The following SAMD8 variants were observed in gnomAD, a reference collection of about 807,000 sequenced individuals.
SAMD8 encodes the protein sphingomyelin synthase-related protein 1.
SAMD8 carries 20 observed loss-of-function variants against 42.0 expected under a neutral mutation model. The observed-to-expected ratio is 0.48, with a 90% CI of 0.34 to 0.69. The LOEUF is 0.69. SAMD8 is among the 30% of genes least tolerant of loss of function. The pLI, the probability that SAMD8 is intolerant of heterozygous loss-of-function variation, is 0.01. For missense variants in SAMD8, 328 were observed against 511.6 expected (o/e 0.64, Z 3.46); for synonymous variants, 162 against 173.0 (o/e 0.94, Z 0.50).
chr10:75,128,049 G>A (rs976278022), intron 1 of SAMD8, among the ~76,000 whole-genome samples: 1 of 149,474 alleles, frequency 6.7e-6, no homozygotes, highest in Non-Finnish European at 1.5e-5. Flanking sequence ...AATTAATCTG[G>A]CTCTGATTTT....
intron 1 of SAMD8, among the ~76,000 whole-genome samples, chr10:75,134,638 CA>C (rs199929082): frequency 6.6e-6 from 1 of 151,068 alleles, no homozygotes; most frequent in Non-Finnish European, 1.5e-5. Flanking sequence ...TTCCCCCCCC[CA>C]AAAAAAAGAT....
intron 1 of SAMD8, among the ~76,000 whole-genome samples, chr10:75,118,612 C>G (rs1427731562): frequency 6.6e-6 from 1 of 152,166 alleles, no homozygotes; most frequent in African/African-American, 2.4e-5. Context: ...CCGCTGCATT[C>G]CAGCCTGGGC....
intron 1 of SAMD8, among the ~76,000 whole-genome samples, chr10:75,126,667 AT>A (rs1239460593): frequency 2.9e-3 from 411 of 143,156 alleles, no homozygotes; most frequent in Middle Eastern, 3.6e-3. Context: ...ACGCTGGCTA[AT>A]TTTTTTTTTT....
Position 75,176,560 on chromosome 10 carries a change from T to G in SAMD8, c.1116T>G (p.Tyr372Ter). The change falls in exon 6 of 6, where the codon TAT (tyrosine) becomes TAG (stop). Residue 372 changes from tyrosine to a stop codon, truncating the protein, a stop_gained. Coordinates refer to ENST00000542569, the MANE Select transcript of SAMD8 (RefSeq NM_001174156.2). LOFTEE classifies it high-confidence loss of function. This position sits in a 1 kb window ranked among gnomAD's most constrained non-coding sequence, Gnocchi z 4.3. ...ATACTCTGGCCAATACCAGAGCATATCAGCAGAGTAGGAGAGCAAGGATTT... is the reference window on the plus strand; with the variant it reads ...ATACTCTGGCCAATACCAGAGCATAGCAGCAGAGTAGGAGAGCAAGGATTT... ...YYHTLANTRA[Y>*]QQSRRARIWF... The G allele has an allele frequency of 6.4e-7, 1 of 1,550,662 alleles. No homozygotes were observed. Among genetic ancestry groups the G allele is most frequent in the Non-Finnish European group, 8.7e-7 (1 of 1,147,006 alleles).
intron 1 of SAMD8, chr10:75,101,786 G>A: frequency 4.6e-6 from 3 of 652,688 alleles, no homozygotes; most frequent in Non-Finnish European, 5.2e-6. Flanking sequence ...TCCCCACACA[G>A]GCACAAGTGT....
At chr10:75,119,967 C>G (rs1322294975) in intron 1 of SAMD8, among the ~76,000 whole-genome samples, 1 of 152,120 alleles carries the variant, frequency 6.6e-6, no homozygotes, top group African/African-American at 2.4e-5. Flanking sequence ...ACTCGGGAAG[C>G]CGAGGCAAGG....
chr10:75,143,236 G>A (rs1205361960), intron 1 of SAMD8, among the ~76,000 whole-genome samples: 1 of 152,216 alleles, frequency 6.6e-6, no homozygotes, highest in Non-Finnish European at 1.5e-5. Flanking sequence ...GAACCCAGAG[G>A]CAGAGGTTGC....
chr10:75,133,209 TG>T (rs1343280880), intron 1 of SAMD8, among the ~76,000 whole-genome samples: 2 of 149,768 alleles, frequency 1.3e-5, no homozygotes, highest in African/African-American at 5.0e-5. Flanking sequence ...AAGACCAACC[TG>T]GGCAGCATGG....
chr10:75,166,443 C>T (rs971267977), intron 3 of SAMD8, among the ~76,000 whole-genome samples: 1 of 151,494 alleles, frequency 6.6e-6, no homozygotes, highest in Non-Finnish European at 1.5e-5. Flanking sequence ...GTCTTTGGAA[C>T]ACTGGAGAGA....
chr10:75,124,036 GT>G (rs1849069996), intron 1 of SAMD8, among the ~76,000 whole-genome samples: 1 of 151,960 alleles, frequency 6.6e-6, no homozygotes, highest in Non-Finnish European at 1.5e-5. Flanking sequence ...CCGGTCTTTT[GT>G]TTTTTCTTGG....
chr10:75,150,738 C>G lies in SAMD8; in HGVS notation c.210C>G (p.Leu70=), dbSNP rs372484282. 6 of 1,614,156 alleles carry G rather than the reference C, an allele frequency of 3.7e-6. No homozygotes were observed. Among genetic ancestry groups the G allele is most frequent in the Non-Finnish European group, 8.5e-7 (1 of 1,180,018 alleles). Residue 70 remains leucine, a synonymous_variant, in exon 2 of 6, where the codon CTC becomes CTG. Coordinates refer to ENST00000542569, the MANE Select transcript of SAMD8 (RefSeq NM_001174156.2). The stretch of plus-strand genomic sequence containing the variant: ...TAGGGGACATTAAAAGGTTAATGCT[C>G]TCAGTCCGAAAATTGCAGAAAATAC... ...KVLGDIKRLM[L]SVRKLQKIHI... is the part of the protein sequence containing the mutation.
intron 3 of SAMD8, among the ~76,000 whole-genome samples, chr10:75,167,546 A>C (rs911478854): frequency 3.3e-5 from 5 of 152,174 alleles, no homozygotes; most frequent in African/African-American, 1.2e-4. Flanking sequence ...TTAATGAGCA[A>C]AAAATTCCCT....
intron 2 of SAMD8, among the ~76,000 whole-genome samples, chr10:75,157,113 G>A (rs999769009): frequency 2.0e-5 from 3 of 152,042 alleles, no homozygotes; most frequent in Non-Finnish European, 4.4e-5. Flanking sequence ...AGCAAATGTG[G>A]CAAAATGTTA....
At chr10:75,111,991 A>G (rs1370797653) in intron 1 of SAMD8, among the ~76,000 whole-genome samples, 1 of 152,036 alleles carries the variant, frequency 6.6e-6, no homozygotes, top group Non-Finnish European at 1.5e-5. Flanking sequence ...TGAAGAGCCC[A>G]GAGCTTGGGG....
intron 1 of SAMD8, among the ~76,000 whole-genome samples, chr10:75,122,570 G>A (rs535855386): frequency 4.7e-5 from 7 of 150,008 alleles, no homozygotes; most frequent in Non-Finnish European, 1.0e-4. Context: ...CTGAGATTAT[G>A]CCACTGCATT....
chr10:75,168,597 G>C lies in SAMD8; in HGVS notation c.731G>C (p.Cys244Ser). Residue 244 changes from cysteine (C) to serine (S), a missense_variant, in exon 4 of 6, where the codon TGC (cysteine) becomes TCC (serine). Cys to Ser is a moderately radical substitution (Grantham distance 112). Transcript: ENST00000542569. ...SLMGTVFLLR[C>S]FTMFVTSLSV... ...ATGGGAACTGTATTCTTGCTTCGCT[G>C]CTTTACCATGTTTGTGACCTCCCTC... The C allele has an allele frequency of 6.2e-7, 1 of 1,613,976 alleles. No individual in the cohort carries two copies. The highest frequency in any genetic ancestry group is 8.5e-7 in the Non-Finnish European group (1 of 1,179,936).
intron 1 of SAMD8, among the ~76,000 whole-genome samples, chr10:75,112,608 T>A (rs1265660525): frequency 6.6e-6 from 1 of 152,186 alleles, no homozygotes; most frequent in Non-Finnish European, 1.5e-5. Flanking sequence ...AAGATATCAT[T>A]TGGATTTATT....
At chr10:75,155,067 T>A (rs1180779737) in intron 2 of SAMD8, among the ~76,000 whole-genome samples, 3 of 152,074 alleles carry the variant, frequency 2.0e-5, no homozygotes, top group African/African-American at 7.2e-5. Context: ...GATTTTTAAA[T>A]CTTTTGTAGA....
At chr10:75,143,402 A>G (rs902682480) in intron 1 of SAMD8, among the ~76,000 whole-genome samples, 3 of 151,746 alleles carry the variant, frequency 2.0e-5, no homozygotes, top group Admixed American at 6.6e-5. Flanking sequence ...GTGTAGATTC[A>G]TATTTTGGTA....
Sources: gnomAD v4.1 joint callset for allele counts (sites outside exome capture counted in the v4.1 genomes callset) on GRCh38, gnomAD v4.1.1 for gene constraint, Gnocchi (gnomAD v3.1) non-coding constraint, MANE v1.5 for transcripts, NCBI Gene and HGNC (gene_info 2026-07-23, HGNC 2026-07-21) for gene names.